Variants in VPS53 observed in about 807,000 individuals in gnomAD.
The protein encoded by VPS53 is VPS53 subunit of GARP complex.
Under a neutral mutation model 107.0 loss-of-function variants are expected in VPS53, and 70 were observed. That is an observed-to-expected ratio of 0.65 (90% CI 0.54 to 0.80). The LOEUF is 0.80. Ranked by LOEUF, VPS53 falls within the 30% of genes least tolerant of loss-of-function variation. The probability of loss-of-function intolerance (pLI) is 0.00; values close to 1 mark genes in which losing one functional copy is unlikely to be tolerated. For synonymous variants in VPS53, 409 were observed against 393.3 expected (o/e 1.04, Z -0.47); for missense variants, 917 against 1,049.4 (o/e 0.87, Z 1.74).
chr17:647,404 C>A (rs1041268868), intron 7 of VPS53, among the ~76,000 whole-genome samples: 1 of 152,162 alleles, frequency 6.6e-6, no homozygotes, highest in Non-Finnish European at 1.5e-5. Flanking sequence ...GTCCCCAGCA[C>A]GGGGCCTAGG....
chr17:631,869 C>T (rs1382545893), intron 7 of VPS53, among the ~76,000 whole-genome samples: 1 of 151,906 alleles, frequency 6.6e-6, no homozygotes, highest in East Asian at 1.9e-4. Flanking sequence ...CAACCCTTTA[C>T]CTGAGGTCAT....
chr17:662,785 A>G (rs1200507800), intron 4 of VPS53, among the ~76,000 whole-genome samples: 1 of 141,538 alleles, frequency 7.1e-6, no homozygotes, highest in African/African-American at 2.6e-5. Context: ...GAAAGAAAGA[A>G]AAAAAGAAAG....
intron 6 of VPS53, 63 bp downstream of exon 6, chr17:655,775 A>C (rs1971163848): frequency 6.9e-7 from 1 of 1,454,474 alleles, no homozygotes; most frequent in Non-Finnish European, 9.4e-7. Flanking sequence ...ATAGGCGACA[A>C]CACCATTTTC....
chr17:580,622 T>C (rs1008748494), intron 13 of VPS53, among the ~76,000 whole-genome samples: 5 of 149,194 alleles, frequency 3.4e-5, no homozygotes, highest in African/African-American at 1.2e-4. Flanking sequence ...CAGAACCTAA[T>C]GTGTTCCCAG....
intron 17 of VPS53, among the ~76,000 whole-genome samples, chr17:546,326 A>ATC (rs757631749): frequency 0.014 from 1,412 of 98,422 alleles, 8 homozygotes; most frequent in Non-Finnish European, 0.019. Context: ...TATCTTAGAT[A>ATC]TCTCACACAC....
intron 5 of VPS53, among the ~76,000 whole-genome samples, chr17:659,521 T>C (rs997335321): frequency 2.6e-5 from 4 of 152,062 alleles, no homozygotes; most frequent in Non-Finnish European, 4.4e-5. Flanking sequence ...CCTCAAGTGA[T>C]CCCCCCTCCT....
At position 617,539 on chromosome 17, in the gene VPS53, C is replaced by A. The variant is rs146379205; in HGVS notation, c.1116+5994G>T. On this transcript the variant is annotated intron_variant, in intron 11 of 21. Transcript: ENST00000437048. ...GTCTCAGCCTCTCAGGTAGCTGGGA[C>A]TACAGGCGTGCGCCACCACGCCCCA... Among the ~76,000 whole-genome samples, 115 of 152,350 alleles carry A rather than the reference C, an allele frequency of 7.5e-4. 1 individual carries two copies. The East Asian group carries it at 0.02, about 26-fold the overall frequency.
At position 613,363 on chromosome 17, in the gene VPS53, C is replaced by A. The variant is rs188077534; in HGVS notation, c.1116+10170G>T. ...ACATAGTGAGTTCACACAGTGAAAA[C>A]CTGCACAGATATTCACAGCAGTAAT... On this transcript the variant is annotated intron_variant, in intron 11 of 21. Transcript: ENST00000437048. Among the ~76,000 whole-genome samples the A allele has an allele frequency of 7.3e-3, 1,111 of 151,418 alleles. 18 individuals are homozygous for A. Among genetic ancestry groups the A allele is most frequent in the African/African-American group, 0.026 (1,068 of 41,156 alleles).
At chr17:679,524 A>T (rs1405375038) in intron 4 of VPS53, among the ~76,000 whole-genome samples, 3 of 152,200 alleles carry the variant, frequency 2.0e-5, no homozygotes, top group Admixed American at 6.5e-5. Flanking sequence ...AAAAAACCAA[A>T]ACAAAACAAA....
chr17:529,755 C>T (rs1909387977), intron 19 of VPS53, among the ~76,000 whole-genome samples: 4 of 151,706 alleles, frequency 2.6e-5, no homozygotes, highest in Admixed American at 2.6e-4. Flanking sequence ...TAAATGATTT[C>T]ATTTAGGCCT....
intron 17 of VPS53, chr17:537,482 TCTC>T (rs1910185798): frequency 4.0e-6 from 1 of 248,830 alleles, no homozygotes. Context: ...AGGATCCTGT[TCTC>T]CTGCCGAGTG....
In VPS53 at chr17:630,678, CAAAG is replaced by C. The variant is rs199611487; in HGVS notation, c.687+868_687+871del. Among the ~76,000 whole-genome samples, 1,123 of 152,118 alleles carry C rather than the reference CAAAG, an allele frequency of 7.4e-3. 7 individuals carry two copies. The highest frequency in any genetic ancestry group is 0.012 in the Non-Finnish European group (817 of 67,972). On this transcript the variant is annotated intron_variant, in intron 8 of 21. Coordinates refer to ENST00000437048, the MANE Select transcript of VPS53 (RefSeq NM_001128159.3). The stretch of plus-strand genomic sequence containing the variant: ...CTTCCTACATTTCTTTTATGGAACA[CAAAG>C]AAAAAATAATTAAGATATTTCCAGT...
intron 11 of VPS53, among the ~76,000 whole-genome samples, chr17:610,003 G>T (rs1435064197): frequency 1.3e-5 from 2 of 151,938 alleles, no homozygotes; most frequent in Non-Finnish European, 2.9e-5. Flanking sequence ...GTGGTGGCGG[G>T]CGCCTGTAGT....
intron 7 of VPS53, among the ~76,000 whole-genome samples, chr17:639,682 C>A (rs986141296): frequency 5.3e-5 from 8 of 152,336 alleles, no homozygotes; most frequent in African/African-American, 1.9e-4. Flanking sequence ...GAGGTCCACT[C>A]CAGATGCTGT....
intron 11 of VPS53, among the ~76,000 whole-genome samples, chr17:605,089 GC>G (rs1968503385): frequency 6.6e-6 from 1 of 152,156 alleles, no homozygotes; most frequent in Admixed American, 6.5e-5. Flanking sequence ...GCTGAAGGAT[GC>G]CTCAGAGTGA....
chr17:655,867 G>A lies in VPS53; in HGVS notation c.459C>T (p.His153=), dbSNP rs1046909835. Residue 153 remains histidine, a synonymous_variant, in exon 6 of 22, where the codon CAC becomes CAT. Coordinates refer to ENST00000437048, the MANE Select transcript of VPS53 (RefSeq NM_001128159.3). ...TTSITTLNHL[H]MLAGGVDSLE... is the part of the protein sequence containing the mutation. ...GGGAGTCGACACCTCCTGCCAGCAT[G>A]TGCAGGTGGTTCAGTGTGGTGATTG... 1.2e-6 allele frequency: 2 copies of A among 1,613,924 alleles called. No individual in the cohort carries two copies. Among genetic ancestry groups the A allele is most frequent in the East Asian group, 2.2e-5 (1 of 44,902 alleles).
Position 519,886 on chromosome 17 carries a change from G to A in VPS53, c.2268C>T (p.Asn756=). 1 of 1,551,664 alleles carries A rather than the reference G, an allele frequency of 6.4e-7. No homozygotes were observed. Among genetic ancestry groups the A allele is most frequent in the Non-Finnish European group, 8.7e-7 (1 of 1,146,978 alleles). ...TGCAGTCTGTGAGAAGTTTGATGTA[G>A]TTGTCAACAAACACCACCAACGGTT... The part of the protein sequence containing the change: ...PHEPLVVFVD[N]YIKLLTDCNT... Residue 756 remains asparagine, a synonymous_variant, in exon 21 of 22, where the codon AAC becomes AAT. Coordinates refer to ENST00000437048, the MANE Select transcript of VPS53 (RefSeq NM_001128159.3). This position sits in a 1 kb window ranked among gnomAD's most constrained non-coding sequence, Gnocchi z 5.0.
chr17:627,972 A>G (rs1035993983), intron 9 of VPS53, 116 bp downstream of exon 9: 4 of 1,083,944 alleles, frequency 3.7e-6, no homozygotes, highest in Non-Finnish European at 5.2e-6. Flanking sequence ...TCACAGCTCA[A>G]CAACCAACAC....
chr17:647,694 G>T (rs915390107), intron 7 of VPS53, among the ~76,000 whole-genome samples: 5 of 152,112 alleles, frequency 3.3e-5, no homozygotes, highest in Admixed American at 2.6e-4. Context: ...GAGGGAAAGG[G>T]TGGCGATTTC....
Sources: gnomAD v4.1 joint callset for allele counts (sites outside exome capture counted in the v4.1 genomes callset) on GRCh38, gnomAD v4.1.1 for gene constraint, Gnocchi (gnomAD v3.1) non-coding constraint, MANE v1.5 for transcripts, NCBI Gene and HGNC (gene_info 2026-07-23, HGNC 2026-07-21) for gene names.